Variants in TRPA1 observed in about 807,000 individuals in gnomAD.
TRPA1 encodes ankyrin-like with transmembrane domains 1.
A neutral mutation model predicts 131.3 loss-of-function variants in TRPA1; 129 were observed. The ratio of observed to expected loss-of-function variants is 0.98; its 90% confidence interval spans 0.85 to 1.14. The LOEUF (loss-of-function observed/expected upper bound fraction) is 1.14, where lower values mean the gene tolerates loss of function less well. TRPA1 is among the 50% of genes most tolerant of loss of function. The pLI is 0.00. For missense variants in TRPA1, 1,304 were observed against 1,354.2 expected, an observed-to-expected ratio of 0.96 and a Z score of 0.58; for synonymous variants, 441 against 451.7, an observed-to-expected ratio of 0.98 and a Z score of 0.30.
intron 15 of TRPA1, 112 bp downstream of exon 15, chr8:72,050,666 T>C: frequency 1.3e-6 from 1 of 761,980 alleles, no homozygotes; most frequent in Non-Finnish European, 2.3e-6. Context: ...CCTTACAGCC[T>C]ATGGAAAATG....
chr8:72,050,125 G>C (rs1008238603), intron 15 of TRPA1, among the ~76,000 whole-genome samples: 2 of 152,004 alleles, frequency 1.3e-5, no homozygotes, highest in African/African-American at 4.8e-5. Flanking sequence ...CCCGGTGTGT[G>C]ATGTTCCCCA....
At chr8:72,075,680 G>A (rs553527594), upstream of TRPA1, 291 of 498,720 alleles carry the variant, frequency 5.8e-4, no homozygotes, top group African/African-American at 5.1e-3. Flanking sequence ...AAAGAGGGCG[G>A]CGGCGCCGCG....
chr8:72,059,520 G>C, intron 7 of TRPA1, 82 bp from the exon 8 acceptor site: 1 of 848,568 alleles, frequency 1.2e-6, no homozygotes, highest in South Asian at 1.7e-5. Flanking sequence ...ACTATATTCG[G>C]AAAGTGAATT....
chr8:72,056,529 T>C (rs1333025721), intron 10 of TRPA1, among the ~76,000 whole-genome samples: 1 of 152,168 alleles, frequency 6.6e-6, no homozygotes, highest in Non-Finnish European at 1.5e-5. Context: ...AAGTCAAGTA[T>C]GCTGAGTAAT....
the TRPA1 span, among the ~76,000 whole-genome samples, chr8:72,089,317 ATCT>A: frequency 7.2e-5 from 11 of 152,122 alleles, no homozygotes; most frequent in African/African-American, 2.7e-4. Context: ...AATTATAAAA[ATCT>A]TCTATGGTGC....
rs1811947581 is a variant in TRPA1, at chr8:72,034,242, T to C, written c.2685+6A>G. 4 of 1,605,406 alleles carry C rather than the reference T, an allele frequency of 2.5e-6. 1 individual carries two copies. In the African/African-American group the frequency reaches 5.3e-5, roughly 21 times the overall value. On this transcript the variant is annotated splice_donor_region_variant and intron_variant, in intron 22 of 26. Transcript: ENST00000262209. ...ACAAAATCAACTACTGATGTAACTG[T>C]CTTACCTGTAAATTCAGGAGGATGT...
rs760030407 is a variant in TRPA1, at chr8:72,050,859, A to T, written c.1824T>A (p.Cys608Ter). The T allele has an allele frequency of 2.6e-5, 41 of 1,606,978 alleles. No homozygotes were observed. Among genetic ancestry groups the T allele is most frequent in the Non-Finnish European group, 3.4e-5 (40 of 1,175,126 alleles). The stretch of plus-strand genomic sequence containing the variant: ...GAGAATTATGACTGAAAATCTTAAG[A>T]CATTCATCCCATCTGTAAAAAATAA... ...TIIRSKRWDECLKIFSHNSPG... is the reference protein window; with the variant it reads ...TIIRSKRWDE Residue 608 changes from cysteine (C) to a stop codon, truncating the protein, a stop_gained, in exon 15 of 27, where the codon TGT (cysteine) becomes TGA (stop). Transcript: ENST00000262209. LOFTEE classifies it high-confidence loss of function.
chr8:72,089,952 C>G, the TRPA1 span, among the ~76,000 whole-genome samples: 1 of 152,062 alleles, frequency 6.6e-6, no homozygotes, highest in African/African-American at 2.4e-5. Flanking sequence ...GCTTACCTTT[C>G]TTCATGGAAA....
the TRPA1 span, among the ~76,000 whole-genome samples, chr8:72,082,161 T>G: frequency 6.6e-6 from 1 of 151,986 alleles, no homozygotes; most frequent in Non-Finnish European, 1.5e-5. Flanking sequence ...GTATAGTGAT[T>G]ACAATGTTCA....
chr8:72,030,074 G>T (rs1811752672), intron 23 of TRPA1, 105 bp from the exon 24 acceptor site: 1 of 1,055,650 alleles, frequency 9.5e-7, no homozygotes, highest in Non-Finnish European at 1.5e-6. Flanking sequence ...AAATATTTTA[G>T]TCTGGGTAGT....
At chr8:72,079,051 A>C (rs935500169), upstream of TRPA1, among the ~76,000 whole-genome samples, 20 of 151,936 alleles carry the variant, frequency 1.3e-4, no homozygotes, top group Non-Finnish European at 1.9e-4. Flanking sequence ...TATTTTCTTG[A>C]TGAAATATTT....
At position 72,055,417 on chromosome 8, in the gene TRPA1, TC is replaced by T. The variant is rs1485996637; in HGVS notation, c.1529+18del. 8 of 1,608,730 alleles carry T rather than the reference TC, an allele frequency of 5.0e-6. No individual in the cohort carries two copies. Among genetic ancestry groups the T allele is most frequent in the Non-Finnish European group, 6.8e-6 (8 of 1,175,570 alleles). ...CTAATTAAAGAAATTATATAAACAC[TC>T]CAATCATATATCCTCACCTGAGAAA... is the stretch of plus-strand genomic sequence containing the variant. On this transcript the variant is annotated intron_variant, in intron 12 of 26. Coordinates refer to ENST00000262209, the MANE Select transcript of TRPA1 (RefSeq NM_007332.3).
At position 72,047,133 on chromosome 8, in the gene TRPA1, A is replaced by G. The variant is rs775054389; in HGVS notation, c.1965+15T>C. 5 of 1,574,916 alleles carry G rather than the reference A, an allele frequency of 3.2e-6. No homozygotes were observed. Among genetic ancestry groups the G allele is most frequent in the South Asian group, 1.1e-5 (1 of 88,830 alleles). On this transcript the variant is annotated intron_variant, in intron 16 of 26. Transcript: ENST00000262209. ...ACAAAATAAATTTCAGATAATGATG[A>G]TAAAATAAACTTACATAATAGTCTC...
chr8:72,035,510 T>C (rs555298982), intron 21 of TRPA1, among the ~76,000 whole-genome samples: 1 of 152,312 alleles, frequency 6.6e-6, no homozygotes, highest in East Asian at 1.9e-4. Flanking sequence ...AGCAAGTTAC[T>C]GAAATCAGTG....
At chr8:72,075,605 C>A, upstream of TRPA1, 1 of 600,194 alleles carries the variant, frequency 1.7e-6, no homozygotes, top group Non-Finnish European at 3.0e-6. Context: ...CAGGCCCGCG[C>A]TACTTTTGTA....
intron 4 of TRPA1, 102 bp from the exon 5 acceptor site, chr8:72,063,673 G>T: frequency 1.3e-6 from 1 of 768,196 alleles, no homozygotes; most frequent in Non-Finnish European, 2.3e-6. Flanking sequence ...ACTATTATAT[G>T]TCTATGTAAA....
chr8:72,065,940 G>A (rs1585887019), intron 3 of TRPA1, among the ~76,000 whole-genome samples: 1 of 152,216 alleles, frequency 6.6e-6, no homozygotes, highest in East Asian at 1.9e-4. Context: ...ATGGTGGAGG[G>A]GGAAGAGAGG....
intron 2 of TRPA1, among the ~76,000 whole-genome samples, chr8:72,069,536 G>A (rs1030964584): frequency 1.3e-5 from 2 of 152,096 alleles, no homozygotes; most frequent in Admixed American, 1.3e-4. Context: ...CTATGTCCCA[G>A]GCACTCTGCT....
chr8:72,075,149 A>T (rs2278653), intron 1 of TRPA1, 150 bp downstream of exon 1: 170,458 of 663,466 alleles, frequency 0.26, 23,679 homozygotes, highest in East Asian at 0.39. Flanking sequence ...TGGGCGCGTC[A>T]TTAGTAGGGT....
Sources: gnomAD v4.1 joint callset for allele counts (sites outside exome capture counted in the v4.1 genomes callset) on GRCh38, gnomAD v4.1.1 for gene constraint, MANE v1.5 for transcripts, NCBI Gene and HGNC (gene_info 2026-07-23, HGNC 2026-07-21) for gene names.